AGMO: variants seen among roughly 807,000 people sequenced by gnomAD.
AGMO encodes alkylglycerol monooxygenase.
In AGMO, 75 loss-of-function variants were observed where a neutral mutation model predicts 60.2. That is an observed-to-expected ratio of 1.25 (90% confidence interval 1.03 to 1.51). The LOEUF (loss-of-function observed/expected upper bound fraction) is 1.51, where lower values mean the gene tolerates loss of function less well. Among genes scored for constraint, AGMO ranks in the 40% most tolerant of loss-of-function variants. AGMO has a pLI of 0.00. For synonymous variants in AGMO, 261 were observed against 177.1 expected, an observed-to-expected ratio of 1.47 and a Z score of -3.76; for missense variants, 763 against 525.5, an observed-to-expected ratio of 1.45 and a Z score of -4.42.
Position 15,366,220 on chromosome 7 carries a change from T to C in AGMO, c.1077A>G (p.Ala359=), listed in dbSNP as rs1450978737. 3 of 1,602,014 alleles carry C rather than the reference T, an allele frequency of 1.9e-6. No individual in the cohort carries two copies. Among genetic ancestry groups the C allele is most frequent in the African/African-American group, 1.3e-5 (1 of 74,156 alleles). Residue 359 remains alanine, a splice_region_variant and synonymous_variant, in exon 11 of 13, where the codon GCA becomes GCG. Transcript: ENST00000342526. ...FYEETFADTA[A]LSQVTLLLRV... is the part of the protein sequence containing the mutation. ...TCAGAAGGAGAGTAACTTGCGACAG[T>C]GCCTGTCAAACAAACACGGAGATCA...
intron 2 of AGMO, among the ~76,000 whole-genome samples, chr7:15,555,237 C>G (rs1785095067): frequency 1.4e-5 from 2 of 144,306 alleles, no homozygotes; most frequent in Admixed American, 7.1e-5. Flanking sequence ...TCTTAAAACT[C>G]CAAGAAGTTA....
At chr7:15,214,284 T>G (rs1419368478) in intron 12 of AGMO, among the ~76,000 whole-genome samples, 1 of 152,048 alleles carries the variant, frequency 6.6e-6, no homozygotes, top group Non-Finnish European at 1.5e-5. Flanking sequence ...AATGTGTTTC[T>G]GATTATGTCA....
chr7:15,361,443 G>A (rs958898678), intron 12 of AGMO, among the ~76,000 whole-genome samples: 3 of 151,036 alleles, frequency 2.0e-5, no homozygotes, highest in African/African-American at 7.3e-5. Flanking sequence ...AGGAAGCTGA[G>A]GTGGGAGAAT....
intron 3 of AGMO, among the ~76,000 whole-genome samples, chr7:15,531,327 ATATATATTC>A (rs1784336038): frequency 1.3e-4 from 2 of 15,268 alleles, no homozygotes; most frequent in South Asian, 1.8e-3. Flanking sequence ...CATATATTCT[ATATATATTC>A]TATATATATT....
intron 12 of AGMO, among the ~76,000 whole-genome samples, chr7:15,218,264 T>C (rs1781804954): frequency 6.6e-6 from 1 of 151,982 alleles, no homozygotes; most frequent in South Asian, 2.1e-4. Context: ...ATATAGTGAA[T>C]AGAACTATAT....
At chr7:15,381,398 T>C (rs67615620) in intron 10 of AGMO, among the ~76,000 whole-genome samples, 35,555 of 151,100 alleles carry the variant, frequency 0.24, 4,879 homozygotes, top group African/African-American at 0.39. Context: ...AAGACATACA[T>C]GCAGGCCACA....
intron 10 of AGMO, among the ~76,000 whole-genome samples, chr7:15,375,010 G>GA (rs147022599): frequency 0.017 from 2,651 of 152,102 alleles, 80 homozygotes; most frequent in African/African-American, 0.059. Context: ...AGACAGACTG[G>GA]AAAATCTCAT....
intron 12 of AGMO, among the ~76,000 whole-genome samples, chr7:15,271,350 T>G (rs1783605311): frequency 6.6e-6 from 1 of 152,178 alleles, no homozygotes; most frequent in African/African-American, 2.4e-5. Flanking sequence ...CTTTCTTCAG[T>G]GTTTTGTAGT....
chr7:15,176,248 C>T, the AGMO span, among the ~76,000 whole-genome samples: 20 of 151,958 alleles, frequency 1.3e-4, no homozygotes, highest in African/African-American at 3.4e-4. Flanking sequence ...CCTGTTTCTT[C>T]GGGCTTTGTT....
intron 5 of AGMO, among the ~76,000 whole-genome samples, chr7:15,397,461 G>C (rs952287815): frequency 6.6e-6 from 1 of 152,136 alleles, no homozygotes; most frequent in Non-Finnish European, 1.5e-5. Flanking sequence ...CCACAGCGCA[G>C]CGGCGGGCTG....
intron 3 of AGMO, among the ~76,000 whole-genome samples, chr7:15,488,001 C>T (rs986185912): frequency 6.6e-6 from 1 of 152,010 alleles, no homozygotes; most frequent in Non-Finnish European, 1.5e-5. Context: ...CTCTTTTTAA[C>T]AATATGCATA....
intron 3 of AGMO, among the ~76,000 whole-genome samples, chr7:15,483,996 T>C (rs1279798757): frequency 6.6e-6 from 1 of 152,182 alleles, no homozygotes; most frequent in Non-Finnish European, 1.5e-5. Flanking sequence ...AACGTTCCAA[T>C]ATATATCTTT....
chr7:15,317,510 A>G (rs960239999), intron 12 of AGMO, among the ~76,000 whole-genome samples: 2 of 152,116 alleles, frequency 1.3e-5, no homozygotes, highest in African/African-American at 4.8e-5. Context: ...GTTGGGTATA[A>G]TATCACCTCG....
intron 5 of AGMO, chr7:15,396,239 C>G (rs1482247628): frequency 6.6e-6 from 1 of 152,360 alleles, no homozygotes. Flanking sequence ...CACGGACCCT[C>G]GCAGTGAGTG....
In AGMO at chr7:15,496,078, A is replaced by G. The variant is rs149938031; in HGVS notation, c.409+48694T>C. ...ATCTACAAAACACTGGAAACACATT[A>G]AAGAGGCAATAGTCTTGGATATAGA... On this transcript the variant is annotated intron_variant, in intron 3 of 12. Transcript: ENST00000342526. Among the ~76,000 whole-genome samples the G allele has an allele frequency of 7.4e-3, 1,130 of 152,254 alleles. 6 individuals carry two copies. Among genetic ancestry groups the G allele is most frequent in the South Asian group, 0.017 (81 of 4,822 alleles).
At chr7:15,239,038 G>A (rs1448011802) in intron 12 of AGMO, among the ~76,000 whole-genome samples, 1 of 152,068 alleles carries the variant, frequency 6.6e-6, no homozygotes, top group South Asian at 2.1e-4. Context: ...CCTTTCCAAG[G>A]TCATGAAGGT....
the AGMO span, among the ~76,000 whole-genome samples, chr7:15,195,260 C>G: frequency 6.6e-6 from 1 of 152,064 alleles, no homozygotes; most frequent in Non-Finnish European, 1.5e-5. Context: ...CATGGAAACA[C>G]AAAAGAAGTG....
intron 3 of AGMO, among the ~76,000 whole-genome samples, chr7:15,442,328 C>G (rs1362038274): frequency 6.6e-6 from 1 of 152,158 alleles, no homozygotes; most frequent in Non-Finnish European, 1.5e-5. Context: ...CTCCTCAAAT[C>G]TGAATGTATG....
chr7:15,478,081 C>A (rs1782643958), intron 3 of AGMO, among the ~76,000 whole-genome samples: 1 of 152,030 alleles, frequency 6.6e-6, no homozygotes, highest in Admixed American at 6.6e-5. Flanking sequence ...ATCATCCACT[C>A]AGGAGTGTAA....
Sources: allele counts gnomAD v4.1 joint callset (sites outside exome capture counted in the v4.1 genomes callset), GRCh38; gene constraint gnomAD v4.1.1; transcripts MANE v1.5; gene names NCBI Gene and HGNC (gene_info 2026-07-23, HGNC 2026-07-21).